The following SOX5 variants were observed in gnomAD, a reference collection of about 807,000 sequenced individuals.
SOX5 encodes SRY-box transcription factor 5.
SOX5 carries 9 observed loss-of-function variants against 92.0 expected under a neutral mutation model. The observed-to-expected ratio is 0.10, with a 90% confidence interval of 0.06 to 0.17. SOX5 has a LOEUF of 0.17. Among genes scored for constraint, SOX5 ranks in the 10% least tolerant of loss-of-function variants. SOX5 has a pLI of 1.00. For missense variants in SOX5, 642 were observed against 944.5 expected, an observed-to-expected ratio of 0.68 and a Z score of 4.20; for synonymous variants, 344 against 336.3, an observed-to-expected ratio of 1.02 and a Z score of -0.25.
intron 1 of SOX5, among the ~76,000 whole-genome samples, chr12:24,517,920 T>A (rs1292339438): frequency 6.6e-6 from 1 of 152,152 alleles, no homozygotes; most frequent in African/African-American, 2.4e-5. Context: ...ACAACTTCCA[T>A]CCCATTGAAA....
chr12:24,487,979 T>G (rs539332797), intron 1 of SOX5, among the ~76,000 whole-genome samples: 75 of 152,304 alleles, frequency 4.9e-4, no homozygotes, highest in African/African-American at 1.8e-3. Context: ...GTAGCAGGAT[T>G]GGGGAACACC....
chr12:23,845,566 C>T (rs1448687502), intron 3 of SOX5, among the ~76,000 whole-genome samples: 1 of 151,854 alleles, frequency 6.6e-6, no homozygotes, highest in Non-Finnish European at 1.5e-5. Flanking sequence ...TAATTTTTGA[C>T]TATACAAGAA....
chr12:23,885,927 ATCATGAATTGAGT>A (rs1201935928), intron 2 of SOX5, among the ~76,000 whole-genome samples: 2 of 152,004 alleles, frequency 1.3e-5, no homozygotes, highest in Non-Finnish European at 2.9e-5. Context: ...CTAAAGTTCT[ATCATGAATTGAGT>A]TTCAATGCCA....
intron 4 of SOX5, among the ~76,000 whole-genome samples, chr12:24,179,984 A>G (rs1046080515): frequency 2.7e-5 from 4 of 150,678 alleles, no homozygotes; most frequent in South Asian, 2.1e-4. Context: ...ACCTCACTCC[A>G]TTGCCCAGGT....
At chr12:24,529,893 G>A (rs900269644) in intron 1 of SOX5, among the ~76,000 whole-genome samples, 1 of 151,918 alleles carries the variant, frequency 6.6e-6, no homozygotes, top group South Asian at 2.1e-4. Flanking sequence ...GGTGGCGGGC[G>A]CCTGTAGTCC....
intron 3 of SOX5, among the ~76,000 whole-genome samples, chr12:23,780,736 A>C (rs917011917): frequency 2.0e-5 from 3 of 152,098 alleles, no homozygotes; most frequent in Admixed American, 2.0e-4. Flanking sequence ...GAAGTCTTAA[A>C]AAGGGGCTAA....
chr12:23,900,304 TA>T (rs2097217540), intron 1 of SOX5, among the ~76,000 whole-genome samples: 1 of 152,276 alleles, frequency 6.6e-6, no homozygotes, highest in South Asian at 2.1e-4. Flanking sequence ...GCATCCTGCA[TA>T]ATTAAGCTAC....
At chr12:24,444,028 A>T (rs1409150722) in intron 1 of SOX5, among the ~76,000 whole-genome samples, 1 of 152,090 alleles carries the variant, frequency 6.6e-6, no homozygotes, top group Non-Finnish European at 1.5e-5. Flanking sequence ...AGATGTGGGG[A>T]TGTGGAAGGG....
chr12:24,431,556 G>T (rs1037554032), intron 1 of SOX5, among the ~76,000 whole-genome samples: 5 of 150,392 alleles, frequency 3.3e-5, no homozygotes, highest in African/African-American at 1.2e-4. Flanking sequence ...TTTGTTTTTT[G>T]ATCAGAACAG....
intron 1 of SOX5, among the ~76,000 whole-genome samples, chr12:24,489,075 C>T (rs192467984): frequency 5.9e-5 from 9 of 152,318 alleles, no homozygotes; most frequent in Non-Finnish European, 1.0e-4. Context: ...GAAGGTCTAA[C>T]TTACGGGACC....
At chr12:24,095,462 T>TATTTATTTATTC (rs1945292622) in intron 4 of SOX5, among the ~76,000 whole-genome samples, 1 of 151,064 alleles carries the variant, frequency 6.6e-6, no homozygotes, top group Non-Finnish European at 1.5e-5. Flanking sequence ...TTTATTTATT[T>TATTTATTTATTC]AATTTTATTC....
intron 8 of SOX5, among the ~76,000 whole-genome samples, chr12:23,626,659 C>T (rs1290405572): frequency 2.3e-5 from 3 of 132,274 alleles, no homozygotes; most frequent in Non-Finnish European, 3.2e-5. Flanking sequence ...CTCTTGGCTG[C>T]TTTCATTAGT....
chr12:24,280,188 A>G lies in SOX5; in HGVS notation c.-173-2876T>C, dbSNP rs137948021. On this transcript the variant is annotated intron_variant, in intron 2 of 4. Transcript: ENST00000446891. ...GAAGGACAGACCCATTTCTGCCAGT[A>G]AAAGGTTACTCAGTCACTTTGGTGA... Among the ~76,000 whole-genome samples the G allele has an allele frequency of 1.4e-3, 210 of 152,306 alleles. 1 individual carries two copies. The highest frequency in any genetic ancestry group is 6.8e-3 in the Middle Eastern group (2 of 294).
intron 3 of SOX5, among the ~76,000 whole-genome samples, chr12:23,803,154 T>TTGG (rs1289341648): frequency 6.6e-6 from 1 of 152,228 alleles, no homozygotes; most frequent in African/African-American, 2.4e-5. Flanking sequence ...CTGTCATTAG[T>TTGG]ATGTGAATGG....
chr12:24,465,883 A>C (rs1029947755), intron 1 of SOX5, among the ~76,000 whole-genome samples: 3 of 152,210 alleles, frequency 2.0e-5, no homozygotes, highest in Admixed American at 1.3e-4. Flanking sequence ...ACACTATTGC[A>C]GACACGAGGG....
At chr12:24,373,893 C>T (rs1379373298) in intron 1 of SOX5, among the ~76,000 whole-genome samples, 1 of 152,174 alleles carries the variant, frequency 6.6e-6, no homozygotes, top group Non-Finnish European at 1.5e-5. Context: ...AGGTTGGCCA[C>T]CCTCTAGAAC....
chr12:24,274,550 T>A (rs1944189750), intron 3 of SOX5, among the ~76,000 whole-genome samples: 2 of 151,978 alleles, frequency 1.3e-5, no homozygotes, highest in South Asian at 4.2e-4. Context: ...AGTAAACAGG[T>A]ATAAGTGGTA....
chr12:24,263,855 G>A (rs1942627124), intron 3 of SOX5, among the ~76,000 whole-genome samples: 1 of 152,078 alleles, frequency 6.6e-6, no homozygotes. Context: ...TCCTCTGCTG[G>A]CATTCCTGCA....
intron 4 of SOX5, among the ~76,000 whole-genome samples, chr12:24,001,448 T>TA (rs1038461479): frequency 2.0e-4 from 30 of 151,812 alleles, no homozygotes; most frequent in Non-Finnish European, 3.1e-4. Context: ...AAAGAAAGTT[T>TA]AAAAAAATCA....
Sources: gnomAD v4.1 joint callset for allele counts (sites outside exome capture counted in the v4.1 genomes callset) on GRCh38, gnomAD v4.1.1 for gene constraint, MANE v1.5 for transcripts, NCBI Gene and HGNC (gene_info 2026-07-23, HGNC 2026-07-21) for gene names.